The following TMEM132B variants were observed in gnomAD, a reference collection of about 807,000 sequenced individuals.
TMEM132B encodes transmembrane protein 132B.
Under a neutral mutation model 90.8 loss-of-function variants are expected in TMEM132B, and 18 were observed. The ratio of observed to expected loss-of-function variants is 0.20; its 90% CI spans 0.14 to 0.29. TMEM132B has a LOEUF of 0.29. Ranked by LOEUF, TMEM132B falls within the 10% of genes least tolerant of loss-of-function variation. The probability of loss-of-function intolerance (pLI) is 1.00; values close to 1 mark genes in which losing one functional copy is unlikely to be tolerated. For synonymous variants in TMEM132B, 504 were observed against 523.3 expected (o/e 0.96, Z 0.50); for missense variants, 1,096 against 1,326.8 (o/e 0.83, Z 2.70).
intron 1 of TMEM132B, among the ~76,000 whole-genome samples, chr12:125,286,191 C>G (rs1875351274): frequency 6.6e-6 from 1 of 152,238 alleles, no homozygotes; most frequent in Non-Finnish European, 1.5e-5. Flanking sequence ...GAAGTTAATT[C>G]ACTTGCCCAA....
At chr12:125,312,119 T>G (rs868480937) in intron 1 of TMEM132B, among the ~76,000 whole-genome samples, 2 of 152,372 alleles carry the variant, frequency 1.3e-5, no homozygotes, top group Middle Eastern at 3.4e-3. Flanking sequence ...GGTCTAATGC[T>G]GTCAGATCTT....
intron 3 of TMEM132B, among the ~76,000 whole-genome samples, chr12:125,482,984 C>G (rs796361939): frequency 2.5e-4 from 38 of 151,888 alleles, no homozygotes; most frequent in African/African-American, 8.7e-4. Flanking sequence ...TCTGAGCAAA[C>G]TATCGCAAGG....
chr12:125,520,831 G>T (rs1008505623), intron 4 of TMEM132B, among the ~76,000 whole-genome samples: 1 of 152,192 alleles, frequency 6.6e-6, no homozygotes, highest in Non-Finnish European at 1.5e-5. Context: ...ACAATGGCTG[G>T]CACAGTTAAT....
chr12:125,260,738 T>G (rs1217968226), intron 1 of TMEM132B, among the ~76,000 whole-genome samples: 2 of 152,176 alleles, frequency 1.3e-5, no homozygotes, highest in Non-Finnish European at 2.9e-5. Context: ...CTGGTTATAT[T>G]TCTTTCTAAC....
intron 2 of TMEM132B, among the ~76,000 whole-genome samples, chr12:125,364,585 C>T (rs1878068257): frequency 6.6e-6 from 1 of 152,076 alleles, no homozygotes; most frequent in Non-Finnish European, 1.5e-5. Flanking sequence ...CTATAGAGAT[C>T]AATTTATGGA....
Position 125,251,178 on chromosome 12 carries a change from TA to T in TMEM132B, c.67+64314del, listed in dbSNP as rs1460055883. Among the ~76,000 whole-genome samples, 2 of 152,168 alleles carry T rather than the reference TA, an allele frequency of 1.3e-5. No individual in the cohort carries two copies. The highest frequency in any genetic ancestry group is 4.8e-5 in the African/African-American group (2 of 41,436). On this transcript the variant is annotated intron_variant, in intron 1 of 8. Coordinates refer to ENST00000682704, the MANE Select transcript of TMEM132B (RefSeq NM_001366854.1). The surrounding 1 kb of genome is among the most constrained non-coding windows in gnomAD (Gnocchi z 4.4). Reference sequence around the variant, plus strand: ...GGGCTGGCCTGAGAGATTAAGGATTTAATGGCATGGAGAAGGGATTTGCTTC... The same window carrying T: ...GGGCTGGCCTGAGAGATTAAGGATTTATGGCATGGAGAAGGGATTTGCTTC...
intron 6 of TMEM132B, among the ~76,000 whole-genome samples, chr12:125,647,073 GC>G (rs1266407666): frequency 5.9e-5 from 9 of 152,240 alleles, no homozygotes; most frequent in Non-Finnish European, 1.3e-4. Flanking sequence ...GAGAACAAAA[GC>G]CCTCAATAGG....
chr12:125,593,382 A>C (rs1349290307), intron 5 of TMEM132B, among the ~76,000 whole-genome samples: 1 of 152,228 alleles, frequency 6.6e-6, no homozygotes, highest in Non-Finnish European at 1.5e-5. Flanking sequence ...TTGTTTCTGC[A>C]TAATTCAGGG....
intron 5 of TMEM132B, among the ~76,000 whole-genome samples, chr12:125,590,642 TATA>T: frequency 6.6e-6 from 1 of 152,342 alleles, no homozygotes; most frequent in South Asian, 2.1e-4. Flanking sequence ...GAGGGCAATA[TATA>T]AACAGCTTTG....
intron 2 of TMEM132B, among the ~76,000 whole-genome samples, chr12:125,369,929 A>G (rs1341109435): frequency 6.6e-6 from 1 of 152,132 alleles, no homozygotes; most frequent in African/African-American, 2.4e-5. Context: ...GGCACCTGTA[A>G]TCCCAGCTAC....
chr12:125,535,354 G>T (rs78493369), intron 4 of TMEM132B, among the ~76,000 whole-genome samples: 2 of 152,142 alleles, frequency 1.3e-5, no homozygotes, highest in African/African-American at 4.8e-5. Context: ...CCAGCCCACT[G>T]TGTTTAACTG....
intron 3 of TMEM132B, among the ~76,000 whole-genome samples, chr12:125,453,666 A>G (rs1881215712): frequency 6.6e-6 from 1 of 152,196 alleles, no homozygotes. Flanking sequence ...CTGTTTAGAG[A>G]TGCTCCATGA....
chr12:125,604,204 C>T (rs1416627041), intron 5 of TMEM132B, among the ~76,000 whole-genome samples: 1 of 152,162 alleles, frequency 6.6e-6, no homozygotes, highest in Non-Finnish European at 1.5e-5. Flanking sequence ...CCAAAATGCC[C>T]ATCAATGATA....
rs544451316 is a variant in TMEM132B, at chr12:125,519,587, A to C, written c.1255A>C (p.Ser419Arg). The change falls in exon 4 of 9, where the codon AGC becomes CGC. Residue 419 changes from serine (S) to arginine (R), a missense_variant. Ser to Arg is a moderately radical substitution (Grantham distance 110). Transcript: ENST00000682704. ...GCTGGTCGTCTCCGAGATCTTCGTC[A>C]GCCAGACAACCTTCGTGGGCATCGT... Reference protein sequence around the residue: ...SELVVSEIFVSQTTFVGIVPL... With the variant: ...SELVVSEIFVRQTTFVGIVPL... The C allele has an allele frequency of 6.2e-7, 1 of 1,614,144 alleles. No individual in the cohort carries two copies. The highest frequency in any genetic ancestry group is 2.2e-5 in the East Asian group (1 of 44,862).
chr12:125,552,862 A>G lies in TMEM132B; in HGVS notation c.1294-30989A>G, dbSNP rs557007911. Among the ~76,000 whole-genome samples, 3 of 152,382 alleles carry G rather than the reference A, an allele frequency of 2.0e-5. No homozygotes were observed. The South Asian group carries it at 6.2e-4, about 32-fold the overall frequency. The stretch of plus-strand genomic sequence containing the variant: ...GGGAATAACAGACACGTCCCTGCAC[A>G]GGGAGTCAGGAGAGCGGCAGAGGGC... On this transcript the variant is annotated intron_variant, in intron 4 of 8. Transcript: ENST00000682704.
intron 1 of TMEM132B, among the ~76,000 whole-genome samples, chr12:125,215,743 T>C (rs891800341): frequency 1.3e-5 from 2 of 152,252 alleles, no homozygotes; most frequent in Non-Finnish European, 2.9e-5. Flanking sequence ...GGTTTCACCA[T>C]GTTGCCCAGG....
chr12:125,187,507 G>A (rs1957767115), intron 1 of TMEM132B, among the ~76,000 whole-genome samples: 1 of 152,234 alleles, frequency 6.6e-6, no homozygotes, highest in East Asian at 1.9e-4. Context: ...ACCCCAAGGC[G>A]GGCGGGAGAG....
chr12:125,205,896 C>T (rs535177892), intron 1 of TMEM132B, among the ~76,000 whole-genome samples: 6 of 152,348 alleles, frequency 3.9e-5, no homozygotes, highest in Admixed American at 2.6e-4. Context: ...TTCAAGCCAT[C>T]GCAAATTATT....
intron 1 of TMEM132B, among the ~76,000 whole-genome samples, chr12:125,281,897 A>G (rs4765242): frequency 0.13 from 19,322 of 151,342 alleles, 1,357 homozygotes; most frequent in African/African-American, 0.17. Flanking sequence ...GCGAGGTGGC[A>G]GGCGCCTGTA....
Sources: gnomAD v4.1 joint callset for allele counts (sites outside exome capture counted in the v4.1 genomes callset) on GRCh38, gnomAD v4.1.1 for gene constraint, Gnocchi (gnomAD v3.1) non-coding constraint, MANE v1.5 for transcripts, NCBI Gene and HGNC (gene_info 2026-07-23, HGNC 2026-07-21) for gene names.